The following ANO2 variants were observed in gnomAD, a reference collection of about 807,000 sequenced individuals.
The protein encoded by ANO2 is anoctamin-2.
Under a neutral mutation model 124.2 loss-of-function variants are expected in ANO2, and 101 were observed. The observed-to-expected ratio is 0.81, with a 90% CI of 0.69 to 0.96. ANO2 has a LOEUF of 0.96. Among genes scored for constraint, ANO2 ranks in the 40% least tolerant of loss-of-function variants. ANO2 has a pLI of 0.00. For synonymous variants in ANO2, 486 were observed against 482.5 expected, an observed-to-expected ratio of 1.01 and a Z score of -0.09; for missense variants, 1,293 against 1,274.5, an observed-to-expected ratio of 1.01 and a Z score of -0.22.
intron 14 of ANO2, among the ~76,000 whole-genome samples, chr12:5,663,260 G>A (rs1445860487): frequency 1.8e-4 from 28 of 152,204 alleles, no homozygotes; most frequent in Admixed American, 1.8e-3. Context: ...GGCTTCAGCT[G>A]GGCATGGGCC....
At chr12:5,820,545 C>A (rs571847678) in intron 7 of ANO2, among the ~76,000 whole-genome samples, 1 of 152,234 alleles carries the variant, frequency 6.6e-6, no homozygotes, top group Middle Eastern at 3.2e-3. Flanking sequence ...AGAACCCCCA[C>A]ATCGGCTCCC....
At chr12:5,643,328 A>G (rs416128) in intron 15 of ANO2, among the ~76,000 whole-genome samples, 48,451 of 152,150 alleles carry the variant, frequency 0.32, 8,375 homozygotes, top group African/African-American at 0.42. Context: ...ATCAAACTGT[A>G]TATATTCTTT....
rs1246954412 is a variant in ANO2 at position 5,925,637 on chromosome 12, G to A, written c.23-2833C>T. Among the ~76,000 whole-genome samples the A allele has an allele frequency of 6.6e-6, 1 of 152,208 alleles. No homozygotes were observed. The highest frequency in any genetic ancestry group is 1.5e-5 in the Non-Finnish European group (1 of 68,042). On this transcript the variant is annotated intron_variant, in intron 1 of 24. Coordinates refer to ENST00000682330, the MANE Select transcript of ANO2 (RefSeq NM_001364791.2). This position sits in a 1 kb window ranked among gnomAD's most constrained non-coding sequence, Gnocchi z 4.6. ...CCTAAGAAGCTTAGAAGAGGTGAATGAGGTCAATTAGAAGGAAAGGCCATC... is the reference window on the plus strand; with the variant it reads ...CCTAAGAAGCTTAGAAGAGGTGAATAAGGTCAATTAGAAGGAAAGGCCATC...
intron 10 of ANO2, among the ~76,000 whole-genome samples, chr12:5,790,261 C>A (rs1386105362): frequency 6.6e-6 from 1 of 152,196 alleles, no homozygotes; most frequent in Non-Finnish European, 1.5e-5. Context: ...CTTGTGCCCA[C>A]TCTTACCTGC....
intron 14 of ANO2, among the ~76,000 whole-genome samples, chr12:5,701,821 T>C (rs1194950320): frequency 2.0e-5 from 3 of 152,174 alleles, no homozygotes; most frequent in Non-Finnish European, 4.4e-5. Context: ...TTCCCAAAGA[T>C]GCACATTTTT....
chr12:5,660,521 C>T (rs1327877881), intron 14 of ANO2, among the ~76,000 whole-genome samples: 3 of 151,098 alleles, frequency 2.0e-5, no homozygotes, highest in East Asian at 1.9e-4. Flanking sequence ...CTTCAATTCT[C>T]GATTCCAGCA....
chr12:5,630,738 C>T (rs544463705), intron 16 of ANO2, among the ~76,000 whole-genome samples: 23 of 152,204 alleles, frequency 1.5e-4, no homozygotes, highest in Middle Eastern at 3.4e-3. Context: ...CCAGGCACTG[C>T]GCAGGAAATA....
intron 15 of ANO2, among the ~76,000 whole-genome samples, chr12:5,640,976 A>G (rs1372449930): frequency 6.6e-6 from 1 of 152,220 alleles, no homozygotes; most frequent in Non-Finnish European, 1.5e-5. Context: ...AACCAACCCA[A>G]ATGTCCATCA....
intron 14 of ANO2, among the ~76,000 whole-genome samples, chr12:5,698,727 T>C (rs1340247472): frequency 6.6e-6 from 1 of 152,130 alleles, no homozygotes; most frequent in Non-Finnish European, 1.5e-5. Flanking sequence ...CTAACTAGAA[T>C]AACCAGTGTA....
chr12:5,720,196 T>C (rs1333907358), intron 14 of ANO2, among the ~76,000 whole-genome samples: 1 of 152,142 alleles, frequency 6.6e-6, no homozygotes, highest in Admixed American at 6.5e-5. Flanking sequence ...GGGCAATGAT[T>C]GTCAGAAGCG....
At chr12:5,831,076 T>C (rs990168311) in intron 5 of ANO2, among the ~76,000 whole-genome samples, 8 of 152,226 alleles carry the variant, frequency 5.3e-5, no homozygotes, top group Admixed American at 5.2e-4. Flanking sequence ...TTTAACTTCA[T>C]ATACTGAGCT....
At chr12:5,859,336 A>G (rs1955197297) in intron 3 of ANO2, among the ~76,000 whole-genome samples, 1 of 152,174 alleles carries the variant, frequency 6.6e-6, no homozygotes, top group African/African-American at 2.4e-5. Flanking sequence ...AGAGCAGGAA[A>G]TGTCTCTAGC....
rs1262619932 is a variant in ANO2 at position 5,886,481 on chromosome 12, A to G, written c.535-32340T>C. ...GTTATGTTAGATGAGTAAGTTCTAG[A>G]GTTCTGCTGTACAACATAGTGGCTA... On this transcript the variant is annotated intron_variant, in intron 3 of 24. Transcript: ENST00000682330. 2.6e-5 allele frequency among the ~76,000 whole-genome samples: 4 copies of G among 152,346 alleles called. No homozygotes were observed. In the South Asian group the frequency reaches 6.2e-4, roughly 24 times the overall value.
At chr12:5,571,649 C>CA (rs1942128229) in intron 23 of ANO2, among the ~76,000 whole-genome samples, 1 of 152,172 alleles carries the variant, frequency 6.6e-6, no homozygotes. Context: ...CTCTGTTTCT[C>CA]AAAATACTTC....
At chr12:5,603,028 T>A (rs966949310) in intron 19 of ANO2, among the ~76,000 whole-genome samples, 9 of 152,226 alleles carry the variant, frequency 5.9e-5, no homozygotes, top group Non-Finnish European at 2.9e-5. Context: ...ATGAAGCTCC[T>A]GGAGGATGAA....
At chr12:5,788,400 G>C (rs959885480) in intron 10 of ANO2, among the ~76,000 whole-genome samples, 2 of 152,220 alleles carry the variant, frequency 1.3e-5, no homozygotes, top group Non-Finnish European at 2.9e-5. Context: ...ACTAGAAAAA[G>C]TGTCCCCAGT....
chr12:5,802,617 C>T (rs1221424990), intron 9 of ANO2, among the ~76,000 whole-genome samples: 2 of 152,224 alleles, frequency 1.3e-5, no homozygotes, highest in Admixed American at 6.5e-5. Context: ...AAGGGAGGCA[C>T]ACTCTGGAGT....
intron 14 of ANO2, among the ~76,000 whole-genome samples, chr12:5,719,034 C>T (rs1293023444): frequency 6.6e-6 from 1 of 152,182 alleles, no homozygotes; most frequent in South Asian, 2.1e-4. Flanking sequence ...CTAGCTAGCT[C>T]CGTGTATTAA....
chr12:5,940,812 T>C (rs7135368), intron 1 of ANO2, among the ~76,000 whole-genome samples: 61,101 of 152,000 alleles, frequency 0.4, 13,213 homozygotes, highest in East Asian at 0.79. Flanking sequence ...TGAAAGTTCA[T>C]AGCAGTATCA....
Sources: allele counts gnomAD v4.1 joint callset (sites outside exome capture counted in the v4.1 genomes callset), GRCh38; gene constraint gnomAD v4.1.1; non-coding constraint Gnocchi (gnomAD v3.1); transcripts MANE v1.5; gene names NCBI Gene and HGNC (gene_info 2026-07-23, HGNC 2026-07-21).